The following F11R variants were observed in gnomAD, a reference collection of about 807,000 sequenced individuals.
F11R encodes the protein junctional adhesion molecule A.
A neutral mutation model predicts 39.3 loss-of-function variants in F11R; 27 were observed. The ratio of observed to expected loss-of-function variants is 0.69; its 90% CI spans 0.51 to 0.95. The LOEUF (loss-of-function observed/expected upper bound fraction) is 0.95, where lower values mean the gene tolerates loss of function less well. Ranked by LOEUF, F11R falls within the 40% of genes least tolerant of loss-of-function variation. The pLI is 0.00. For synonymous variants in F11R, 131 were observed against 144.9 expected (o/e 0.90, Z 0.69); for missense variants, 335 against 372.7 (o/e 0.90, Z 0.83).
intron 1 of F11R, among the ~76,000 whole-genome samples, chr1:161,016,651 C>T (rs1028659513): frequency 4.6e-5 from 7 of 150,584 alleles, no homozygotes; most frequent in Admixed American, 1.3e-4. Flanking sequence ...AATGAGACTC[C>T]GTCTCAAAAA....
Position 160,999,730 on chromosome 1 carries a change from C to A in F11R, c.712G>T (p.Val238Phe). Reference protein sequence around the residue: ...RMEAVERNVGVIVAAVLVTLI... With the variant: ...RMEAVERNVGFIVAAVLVTLI... ...GTTACAAGGACGGCTGCCACGATGA[C>A]CCCCACATTCCGCTCCACTGCGAGA... is the stretch of plus-strand genomic sequence containing the variant. The change falls in exon 7 of 10, where the codon GTC becomes TTC. Residue 238 changes from valine to phenylalanine, a missense_variant. Val to Phe is a conservative substitution (Grantham distance 50). Coordinates refer to ENST00000368026, the MANE Select transcript of F11R (RefSeq NM_016946.6). The A allele has an allele frequency of 6.2e-7, 1 of 1,614,158 alleles. No individual in the cohort carries two copies.
At chr1:160,999,292 G>A in intron 8 of F11R, 104 bp downstream of exon 8, 1 of 1,529,152 alleles carries the variant, frequency 6.5e-7, no homozygotes, top group Non-Finnish European at 9.1e-7. Flanking sequence ...CCTCCAAACT[G>A]GTTGCTTCTG....
chr1:161,010,275 C>T (rs1649061492), intron 1 of F11R, among the ~76,000 whole-genome samples: 1 of 151,942 alleles, frequency 6.6e-6, no homozygotes, highest in South Asian at 2.1e-4. Flanking sequence ...GAAACCCCGT[C>T]TCTACTAAAA....
At position 160,998,585 on chromosome 1, in the gene F11R, A is replaced by G. The variant is rs575576758; in HGVS notation, c.*286T>C. 1.2e-4 allele frequency: 68 copies of G among 567,538 alleles called. 3 individuals are homozygous for G. In the South Asian group the frequency reaches 1.5e-3, roughly 13 times the overall value. The allele number at this position is 567,538 out of a possible 1,614,324, so 35.2% of individuals were successfully genotyped here. On this transcript the variant is annotated 3_prime_UTR_variant, in exon 10 of 10. Transcript: ENST00000368026. ...CATTTTTGCTGTCTACTTAGAAGGG[A>G]AGTCAATGGCATACCCAGGATTCCT...
chr1:161,017,660 C>CG (rs1286741608), intron 1 of F11R, among the ~76,000 whole-genome samples: 1 of 152,200 alleles, frequency 6.6e-6, no homozygotes, highest in East Asian at 1.9e-4. Flanking sequence ...CAGAGGCTGG[C>CG]GGGATCCTCC....
At chr1:161,012,677 A>G (rs1175880559) in intron 1 of F11R, among the ~76,000 whole-genome samples, 1 of 151,580 alleles carries the variant, frequency 6.6e-6, no homozygotes, top group African/African-American at 2.4e-5. Context: ...CAGGGTGGAA[A>G]GCAATGGCAT....
At chr1:161,016,202 C>T (rs1033528818) in intron 1 of F11R, among the ~76,000 whole-genome samples, 8 of 151,884 alleles carry the variant, frequency 5.3e-5, no homozygotes, top group South Asian at 4.1e-4. Flanking sequence ...AGGGGCCGGG[C>T]GCGGTGGCTC....
At chr1:161,005,206 T>C (rs888928820) in intron 1 of F11R, among the ~76,000 whole-genome samples, 3 of 150,244 alleles carry the variant, frequency 2.0e-5, no homozygotes, top group African/African-American at 7.3e-5. Flanking sequence ...ATAATAGATA[T>C]GGAAATTAAA....
At position 160,999,689 on chromosome 1, in the gene F11R, TC is replaced by T; in HGVS notation, c.752del (p.Gly251GlufsTer28). 6.2e-7 allele frequency: 1 copy of T among 1,613,878 alleles called. No individual in the cohort carries two copies. Among genetic ancestry groups the T allele is most frequent in the Non-Finnish European group, 8.5e-7 (1 of 1,179,964 alleles). On this transcript the variant is annotated frameshift_variant, in exon 7 of 10. Coordinates refer to ENST00000368026, the MANE Select transcript of F11R (RefSeq NM_016946.6). LOFTEE classifies it high-confidence loss of function. ...AAVLVTLILL[G>X]ILVFGIWFAY... is the part of the protein sequence containing the mutation. Reference sequence around the variant, plus strand: ...CAAACCAGATGCCAAAAACCAAGATTCCCAGGAGAATCAGGGTTACAAGGAC... The same window carrying T: ...CAAACCAGATGCCAAAAACCAAGATTCCAGGAGAATCAGGGTTACAAGGAC...
At chr1:161,001,428 GT>G (rs1235424470) in intron 1 of F11R, 75 bp from the exon 2 acceptor site, 1 of 1,290,286 alleles carries the variant, frequency 7.8e-7, no homozygotes, top group East Asian at 2.3e-5. Flanking sequence ...CACAGACCCA[GT>G]GGACAGGGCT....
chr1:161,004,226 G>A (rs1648669093), intron 1 of F11R, among the ~76,000 whole-genome samples: 1 of 152,032 alleles, frequency 6.6e-6, no homozygotes, highest in Admixed American at 6.6e-5. Flanking sequence ...GATTACAGAT[G>A]TGAACCATCA....
At chr1:160,999,218 T>TA in intron 8 of F11R, 127 bp from the exon 9 acceptor site, 1 of 1,396,618 alleles carries the variant, frequency 7.2e-7, no homozygotes, top group African/African-American at 1.4e-5. Flanking sequence ...CAGGTATGGG[T>TA]GGGGTAACAG....
intron 1 of F11R, among the ~76,000 whole-genome samples, chr1:161,006,960 T>C (rs1029817210): frequency 3.9e-5 from 6 of 151,976 alleles, no homozygotes; most frequent in African/African-American, 1.5e-4. Flanking sequence ...GATCAGGAGT[T>C]CGAGACCAGT....
Position 161,000,702 on chromosome 1 carries a change from G to A in F11R, c.317C>T (p.Thr106Ile). 6.2e-7 allele frequency: 1 copy of A among 1,614,160 alleles called. No homozygotes were observed. The highest frequency in any genetic ancestry group is 1.3e-5 in the African/African-American group (1 of 75,028). Residue 106 changes from threonine to isoleucine, a missense_variant, in exon 4 of 10, where the codon ACA (threonine) becomes ATA (isoleucine). By Grantham distance (89) the Thr-to-Ile change is moderately conservative. Coordinates refer to ENST00000368026, the MANE Select transcript of F11R (RefSeq NM_016946.6). ...TTCCTCAGAGACCATACAAGTGTAT[G>A]TCCCAGTGTCTTCCCGTGTCACGGA... ...FKSVTREDTG[T>I]YTCMVSEEGG... is the part of the protein sequence containing the mutation.
Position 160,999,659 on chromosome 1 carries a change from A to G in F11R, c.783T>C (p.Tyr261=). ...ACTTACTGTCAAAGTGGCCTCGGCT[A>G]TAGGCAAACCAGATGCCAAAAACCA... ...GILVFGIWFA[Y]SRGHFDRTKK... The change falls in exon 7 of 10, where the codon TAT becomes TAC. Residue 261 remains tyrosine, a synonymous_variant. Transcript: ENST00000368026. The G allele has an allele frequency of 1.2e-6, 2 of 1,614,182 alleles. No homozygotes were observed. Among genetic ancestry groups the G allele is most frequent in the Non-Finnish European group, 1.7e-6 (2 of 1,179,998 alleles).
At chr1:161,007,530 C>T (rs1372248905) in intron 1 of F11R, among the ~76,000 whole-genome samples, 1 of 151,898 alleles carries the variant, frequency 6.6e-6, no homozygotes, top group African/African-American at 2.4e-5. Context: ...CTGGACAAGC[C>T]ACTTGGCCTC....
chr1:161,000,578 T>C (rs1648418872), intron 4 of F11R, 53 bp downstream of exon 4: 1 of 1,610,600 alleles, frequency 6.2e-7, no homozygotes, highest in Non-Finnish European at 8.5e-7. Flanking sequence ...CAGCAGAGCC[T>C]GCTATGAGAA....
At chr1:161,004,867 A>G (rs1030196222) in intron 1 of F11R, among the ~76,000 whole-genome samples, 1 of 152,078 alleles carries the variant, frequency 6.6e-6, no homozygotes, top group African/African-American at 2.4e-5. Context: ...CAAATGTAAT[A>G]ATAGATATGG....
intron 1 of F11R, among the ~76,000 whole-genome samples, chr1:161,010,502 T>C (rs1278983491): frequency 6.7e-6 from 1 of 150,322 alleles, no homozygotes; most frequent in African/African-American, 2.4e-5. Context: ...GGTAGGAATC[T>C]TAACTCTGCC....
Sources: allele counts gnomAD v4.1 joint callset (sites outside exome capture counted in the v4.1 genomes callset), GRCh38; gene constraint gnomAD v4.1.1; transcripts MANE v1.5; gene names NCBI Gene and HGNC (gene_info 2026-07-23, HGNC 2026-07-21).